PRKCH: variants seen among roughly 807,000 people sequenced by gnomAD.
PRKCH encodes protein kinase C eta, also known as protein kinase C eta type.
Under a neutral mutation model 82.5 loss-of-function variants are expected in PRKCH, and 28 were observed. The ratio of observed to expected loss-of-function variants is 0.34; its 90% confidence interval spans 0.25 to 0.47. The LOEUF is 0.47. Ranked by LOEUF, PRKCH falls within the 20% of genes least tolerant of loss-of-function variation. The pLI is 1.00. For missense variants in PRKCH, 705 were observed against 881.8 expected, an observed-to-expected ratio of 0.80 and a Z score of 2.54; for synonymous variants, 322 against 327.4, an observed-to-expected ratio of 0.98 and a Z score of 0.18.
At chr14:61,322,519 G>GT (rs1159865330) in intron 1 of PRKCH, 55 bp downstream of exon 1, 3 of 1,538,268 alleles carry the variant, frequency 2.0e-6, no homozygotes, top group Non-Finnish European at 2.6e-6. Flanking sequence ...TTCCCCTTAT[G>GT]TTTTTCAAAA....
intron 10 of PRKCH, among the ~76,000 whole-genome samples, chr14:61,515,002 C>A (rs1182485595): frequency 6.6e-6 from 1 of 152,162 alleles, no homozygotes; most frequent in Non-Finnish European, 1.5e-5. Flanking sequence ...TAAAAATATT[C>A]ATAGATTCAG....
intron 1 of PRKCH, among the ~76,000 whole-genome samples, chr14:61,200,343 A>G (rs2044470434): frequency 6.6e-6 from 1 of 152,078 alleles, no homozygotes; most frequent in African/African-American, 2.4e-5. Context: ...ACTGGGTTTC[A>G]GGAAAACAGG....
rs751571760 is a variant in PRKCH at position 61,281,037 on chromosome 14, C to A, written c.-19+93369C>A. 59 of 1,529,858 alleles carry A rather than the reference C, an allele frequency of 3.9e-5. No individual in the cohort carries two copies. The African/African-American group carries it at 8.0e-4, about 21-fold the overall frequency. The allele number at this position is 1,529,858 out of a possible 1,614,324, so 94.8% of individuals were successfully genotyped here. ...AGGCCAGGCCCGCGCAGAAGAAGAG[C>A]GGCAGCGCGATGCTGGCCGACAGCA... On this transcript the variant is annotated intron_variant, in intron 1 of 3. Coordinates refer to the PRKCH transcript ENST00000555185.
intron 10 of PRKCH, among the ~76,000 whole-genome samples, chr14:61,508,544 T>G (rs1014321400): frequency 5.3e-5 from 8 of 152,080 alleles, no homozygotes; most frequent in Admixed American, 3.9e-4. Context: ...TTGAAAGCGC[T>G]TCCTTTTGTA....
intron 1 of PRKCH, among the ~76,000 whole-genome samples, chr14:61,274,412 A>G (rs1276841967): frequency 1.3e-5 from 2 of 152,216 alleles, no homozygotes; most frequent in Non-Finnish European, 2.9e-5. Context: ...GAGGGGTAAC[A>G]TGATAAGACT....
At chr14:61,484,578 C>T (rs937307850) in intron 9 of PRKCH, among the ~76,000 whole-genome samples, 1 of 152,116 alleles carries the variant, frequency 6.6e-6, no homozygotes, top group African/African-American at 2.4e-5. Context: ...ATTCACACTA[C>T]TTGCATAGTA....
chr14:61,436,724 G>A (rs1883696882), intron 2 of PRKCH, among the ~76,000 whole-genome samples: 1 of 152,124 alleles, frequency 6.6e-6, no homozygotes, highest in South Asian at 2.1e-4. Context: ...ATAGAGATGG[G>A]GTTTCACCAT....
At chr14:61,216,281 C>T (rs1026444376) in intron 1 of PRKCH, among the ~76,000 whole-genome samples, 13 of 151,960 alleles carry the variant, frequency 8.6e-5, no homozygotes, top group African/African-American at 3.1e-4. Flanking sequence ...GCCTTGCCAA[C>T]ATGGTGAAAT....
chr14:61,506,337 G>T (rs914990928), intron 10 of PRKCH, among the ~76,000 whole-genome samples: 62 of 152,124 alleles, frequency 4.1e-4, no homozygotes, highest in African/African-American at 1.4e-3. Flanking sequence ...TCAGCAGGAG[G>T]AACTTCGGTG....
intron 1 of PRKCH, among the ~76,000 whole-genome samples, chr14:61,358,891 C>T (rs558323354): frequency 6.6e-6 from 1 of 152,246 alleles, no homozygotes; most frequent in East Asian, 1.9e-4. Flanking sequence ...GACTTAGTAA[C>T]TCCTCATCCT....
intron 12 of PRKCH, among the ~76,000 whole-genome samples, chr14:61,542,835 A>G (rs1481439083): frequency 6.6e-6 from 1 of 152,248 alleles, no homozygotes; most frequent in East Asian, 1.9e-4. Context: ...AGCGGTGGGA[A>G]CAGAGTGTTT....
Position 61,549,941 on chromosome 14 carries a change from CT to C in PRKCH, c.*112del. On this transcript the variant is annotated 3_prime_UTR_variant, in exon 14 of 14. Coordinates refer to ENST00000332981, the MANE Select transcript of PRKCH (RefSeq NM_006255.5). The stretch of plus-strand genomic sequence containing the variant: ...ATCAGCCTTAGAACAAGAACCTTAC[CT>C]TCAAGGAGCAAGTGAAGAACTCTGT... The C allele has an allele frequency of 8.3e-7, 1 of 1,210,432 alleles. No homozygotes were observed. The highest frequency in any genetic ancestry group is 1.5e-5 in the African/African-American group (1 of 65,842). 75.0% of individuals were successfully genotyped at this position (1,210,432 alleles called of 1,614,324 possible). A position where few individuals can be genotyped will look rare whatever the true frequency, so the allele number is the denominator to read the frequency against.
chr14:61,532,916 G>T (rs1476351343), intron 12 of PRKCH, among the ~76,000 whole-genome samples: 4 of 152,172 alleles, frequency 2.6e-5, no homozygotes, highest in Non-Finnish European at 5.9e-5. Context: ...CTCCACTGAT[G>T]GAGGCAGCAG....
intron 9 of PRKCH, among the ~76,000 whole-genome samples, chr14:61,461,771 A>C (rs920669903): frequency 7.3e-4 from 111 of 152,252 alleles, no homozygotes; most frequent in Non-Finnish European, 1.1e-3. Flanking sequence ...CAGATTGGGA[A>C]CCCAATCAAT....
chr14:61,249,991 G>A (rs889928439), intron 1 of PRKCH, among the ~76,000 whole-genome samples: 2 of 151,068 alleles, frequency 1.3e-5, no homozygotes, highest in African/African-American at 2.4e-5. Context: ...TGGGCACGGC[G>A]GCTCATGCCT....
At chr14:61,329,254 T>TTTTTTTTTA (rs1555375988) in intron 1 of PRKCH, among the ~76,000 whole-genome samples, 1 of 122,440 alleles carries the variant, frequency 8.2e-6, no homozygotes. Context: ...TTTTTTTTTT[T>TTTTTTTTTA]GAGACAGAAT....
intron 1 of PRKCH, chr14:61,298,058 A>G (rs2045418385): frequency 6.6e-6 from 1 of 152,250 alleles, no homozygotes; most frequent in African/African-American, 2.4e-5. Context: ...TGTCCCCTAC[A>G]TAGCACAGCC....
At chr14:61,443,932 A>G (rs1177521168) in intron 3 of PRKCH, among the ~76,000 whole-genome samples, 1 of 152,226 alleles carries the variant, frequency 6.6e-6, no homozygotes, top group Non-Finnish European at 1.5e-5. Context: ...AAAGGGAAGA[A>G]AGAAAGATGC....
At chr14:61,507,556 A>G (rs750527116) in intron 10 of PRKCH, among the ~76,000 whole-genome samples, 2 of 152,164 alleles carry the variant, frequency 1.3e-5, no homozygotes, top group Admixed American at 1.3e-4. Flanking sequence ...AGACAAATAG[A>G]TAAAGAAAAT....
Sources: allele counts gnomAD v4.1 joint callset (sites outside exome capture counted in the v4.1 genomes callset), GRCh38; gene constraint gnomAD v4.1.1; transcripts MANE v1.5; gene names NCBI Gene and HGNC (gene_info 2026-07-23, HGNC 2026-07-21).